The following PIK3C2G variants were observed in gnomAD, a reference collection of about 807,000 sequenced individuals.
The protein encoded by PIK3C2G is phosphatidylinositol 3-kinase C2 domain-containing subunit gamma.
In PIK3C2G, 168 loss-of-function variants were observed where a neutral mutation model predicts 181.1. The ratio of observed to expected loss-of-function variants is 0.93; its 90% CI spans 0.82 to 1.05. PIK3C2G has a LOEUF of 1.05. Ranked by LOEUF, PIK3C2G falls within the 50% of genes least tolerant of loss-of-function variation. The probability of loss-of-function intolerance (pLI) is 0.00; values close to 1 mark genes in which losing one functional copy is unlikely to be tolerated. For synonymous variants in PIK3C2G, 573 were observed against 592.2 expected, an observed-to-expected ratio of 0.97 and a Z score of 0.47; for missense variants, 1,869 against 1,732.8, an observed-to-expected ratio of 1.08 and a Z score of -1.40.
At chr12:18,247,826 C>T (rs1948055912) in exon 1 of PIK3C2G, 1 of 152,150 alleles carries the variant, frequency 6.6e-6, no homozygotes, top group Non-Finnish European at 1.5e-5. Flanking sequence ...TGTGTCTGCC[C>T]CTCAACTTTA....
intron 31 of PIK3C2G, among the ~76,000 whole-genome samples, chr12:18,631,222 A>C (rs878942914): frequency 6.6e-6 from 1 of 152,262 alleles, no homozygotes; most frequent in Middle Eastern, 3.4e-3. Flanking sequence ...CATTGGGGGG[A>C]AGAGAAGTTT....
chr12:18,399,752 T>A lies in PIK3C2G; in HGVS notation c.2220T>A (p.Pro740=), dbSNP rs370429954. 3.1e-6 allele frequency: 5 copies of A among 1,606,916 alleles called. No homozygotes were observed. The South Asian group carries it at 5.5e-5, about 18-fold the overall frequency. Residue 740 remains proline (P), a synonymous_variant, in exon 16 of 33, where the codon CCT becomes CCA. Coordinates refer to ENST00000538779, the MANE Select transcript of PIK3C2G (RefSeq NM_001288772.2). ...CSLPLVLGSA[P]GWDERTVSEM... ...TTCCTTTAGTCCTGGGTAGTGCCCC[T>A]GGATGGGATGAAAGGACTGTTTCAG...
chr12:18,247,866 G>C (rs1948056416), exon 1 of PIK3C2G: 1 of 152,002 alleles, frequency 6.6e-6, no homozygotes. Flanking sequence ...AAATGATTTG[G>C]GACTGCTTTT....
intron 31 of PIK3C2G, among the ~76,000 whole-genome samples, chr12:18,625,674 A>G (rs578155965): frequency 3.3e-5 from 5 of 151,826 alleles, no homozygotes; most frequent in Non-Finnish European, 7.4e-5. Context: ...CAGAAACTTT[A>G]ATATTTGCTT....
chr12:18,652,429 G>A (rs890523274), downstream of PIK3C2G, among the ~76,000 whole-genome samples: 1 of 152,138 alleles, frequency 6.6e-6, no homozygotes, highest in African/African-American at 2.4e-5. Context: ...AAGAGGCATG[G>A]CAGAGATTCT....
intron 31 of PIK3C2G, among the ~76,000 whole-genome samples, chr12:18,613,509 A>T (rs1405982037): frequency 1.3e-5 from 2 of 152,016 alleles, no homozygotes; most frequent in African/African-American, 4.8e-5. Context: ...TTTTTATTTA[A>T]ACTCTTCTTT....
intron 22 of PIK3C2G, among the ~76,000 whole-genome samples, chr12:18,501,561 AAAG>A (rs1941483058): frequency 6.6e-6 from 1 of 152,208 alleles, no homozygotes; most frequent in Non-Finnish European, 1.5e-5. Context: ...ATATTGCATT[AAAG>A]GACTATAAGA....
At chr12:18,421,790 T>C (rs1945504340) in intron 17 of PIK3C2G, among the ~76,000 whole-genome samples, 1 of 151,952 alleles carries the variant, frequency 6.6e-6, no homozygotes, top group African/African-American at 2.4e-5. Flanking sequence ...GTCAGGTTGT[T>C]ACAGCTAGTT....
chr12:18,666,988 T>C, the PIK3C2G span, among the ~76,000 whole-genome samples: 1 of 152,194 alleles, frequency 6.6e-6, no homozygotes, highest in Non-Finnish European at 1.5e-5. Flanking sequence ...GTAGCAATCA[T>C]GGCCTAGAAC....
At chr12:18,636,303 G>T (rs1305224626) in intron 31 of PIK3C2G, among the ~76,000 whole-genome samples, 1 of 152,164 alleles carries the variant, frequency 6.6e-6, no homozygotes, top group African/African-American at 2.4e-5. Context: ...CACGATCTCG[G>T]CTCACCGCAA....
At chr12:18,583,057 C>A (rs1225812860) in intron 29 of PIK3C2G, among the ~76,000 whole-genome samples, 1 of 152,156 alleles carries the variant, frequency 6.6e-6, no homozygotes, top group Non-Finnish European at 1.5e-5. Flanking sequence ...CACAGCACAG[C>A]AGCTCTGTGG....
chr12:18,417,330 T>A (rs1051187610), intron 16 of PIK3C2G, among the ~76,000 whole-genome samples: 1 of 152,150 alleles, frequency 6.6e-6, no homozygotes, highest in African/African-American at 2.4e-5. Flanking sequence ...GGATTTAGAA[T>A]CCTATATAAA....
chr12:18,569,307 C>G (rs1284737003), intron 29 of PIK3C2G, among the ~76,000 whole-genome samples: 2 of 151,868 alleles, frequency 1.3e-5, no homozygotes, highest in Non-Finnish European at 2.9e-5. Context: ...CAGTCCCCAG[C>G]TGGGACTCCA....
chr12:18,345,946 T>C (rs574176190), intron 10 of PIK3C2G, among the ~76,000 whole-genome samples: 4 of 152,330 alleles, frequency 2.6e-5, no homozygotes, highest in Admixed American at 6.5e-5. Context: ...AATTTCTACT[T>C]AGCTGCCAGA....
At chr12:18,658,947 C>G in the PIK3C2G span, among the ~76,000 whole-genome samples, 3 of 152,036 alleles carry the variant, frequency 2.0e-5, no homozygotes, top group Non-Finnish European at 4.4e-5. Context: ...CAAATTATCT[C>G]TTTCTATTGG....
intron 25 of PIK3C2G, among the ~76,000 whole-genome samples, chr12:18,544,640 G>T (rs1944327781): frequency 1.3e-5 from 2 of 151,770 alleles, no homozygotes; most frequent in Non-Finnish European, 2.9e-5. Flanking sequence ...GTTGGGCAGT[G>T]GTGGCAGTGT....
At chr12:18,396,028 G>A (rs1160635164) in intron 15 of PIK3C2G, among the ~76,000 whole-genome samples, 5 of 151,572 alleles carry the variant, frequency 3.3e-5, no homozygotes, top group African/African-American at 1.2e-4. Flanking sequence ...TGAGCCTTTG[G>A]TATGGTTAGG....
intron 13 of PIK3C2G, among the ~76,000 whole-genome samples, chr12:18,378,436 C>A (rs888570640): frequency 1.3e-5 from 2 of 151,990 alleles, no homozygotes; most frequent in Non-Finnish European, 2.9e-5. Flanking sequence ...CTAAGCAATA[C>A]CATTCAGGAC....
chr12:18,546,331 T>C lies in PIK3C2G; in HGVS notation c.3489T>C (p.Tyr1163=). 2 of 1,575,704 alleles carry C rather than the reference T, an allele frequency of 1.3e-6. No homozygotes were observed. Among genetic ancestry groups the C allele is most frequent in the Non-Finnish European group, 1.7e-6 (2 of 1,151,848 alleles). ...TTCTTGTTGTGGTTAAGATGCTGTATGCAGGACTGCCTGAGCTAAGTGGAA... is the reference window on the plus strand; with the variant it reads ...TTCTTGTTGTGGTTAAGATGCTGTACGCAGGACTGCCTGAGCTAAGTGGAA... The part of the protein sequence containing the change: ...LLLNLLEMML[Y]AGLPELSGIQ... Residue 1163 remains tyrosine (Y), a synonymous_variant, in exon 26 of 33, where the codon TAT becomes TAC. Transcript: ENST00000538779.
Sources: gnomAD v4.1 joint callset for allele counts (sites outside exome capture counted in the v4.1 genomes callset) on GRCh38, gnomAD v4.1.1 for gene constraint, MANE v1.5 for transcripts, NCBI Gene and HGNC (gene_info 2026-07-23, HGNC 2026-07-21) for gene names.